Variants in PCDH11X observed in about 807,000 individuals in gnomAD.
PCDH11X encodes protocadherin-11 X-linked.
In PCDH11X, 18 loss-of-function variants were observed where a neutral mutation model predicts 53.3. The observed-to-expected ratio is 0.34, with a 90% confidence interval of 0.23 to 0.50. The LOEUF is 0.50. Ranked by LOEUF, PCDH11X falls within the 20% of genes least tolerant of loss-of-function variation. The pLI is 0.98. For synonymous variants in PCDH11X, 279 were observed against 393.3 expected (o/e 0.71, Z 3.44); for missense variants, 570 against 1,032.4 (o/e 0.55, Z 6.14).
chrX:92,019,461 A>G (rs2147996203), intron 6 of PCDH11X, among the ~76,000 whole-genome samples: 1 of 111,552 alleles, frequency 9.0e-6, no homozygotes, highest in Admixed American at 9.6e-5. Context: ...CCGCATAATC[A>G]GACACACTCT....
intron 10 of PCDH11X, among the ~76,000 whole-genome samples, chrX:92,563,705 T>C (rs1921105273): frequency 1.8e-5 from 2 of 111,875 alleles, no homozygotes; most frequent in Admixed American, 9.5e-5. Context: ...TGCTAAAAGG[T>C]GTTCTTCAGT....
Position 92,622,720 on chromosome X carries a change from C to A in PCDH11X, c.*3780C>A, listed in dbSNP as rs1264054687. 1.8e-5 allele frequency: 2 copies of A among 109,922 alleles called. No individual in the cohort carries two copies. Among genetic ancestry groups the A allele is most frequent in the Non-Finnish European group, 3.8e-5 (2 of 52,488 alleles). The allele number at this position is 109,922 out of a possible 1,213,427, so 9.1% of individuals were successfully genotyped here. The stretch of plus-strand genomic sequence containing the variant: ...TCTATATTATGTGCCAATTACCACA[C>A]CAGATCAATTTTATGCAGAGGCCTT... On this transcript the variant is annotated 3_prime_UTR_variant, in exon 11 of 11. Coordinates refer to ENST00000682573, the MANE Select transcript of PCDH11X (RefSeq NM_032968.5).
At chrX:92,262,649 C>T (rs1224301932) in intron 7 of PCDH11X, among the ~76,000 whole-genome samples, 2 of 111,282 alleles carry the variant, frequency 1.8e-5, no homozygotes, top group African/African-American at 6.5e-5. Context: ...ATAAACATCT[C>T]TTATGTTTAC....
intron 6 of PCDH11X, among the ~76,000 whole-genome samples, chrX:91,885,455 C>T (rs908268969): frequency 2.7e-5 from 3 of 110,060 alleles, no homozygotes; most frequent in Non-Finnish European, 3.8e-5. Flanking sequence ...AATAAAATGA[C>T]GAAGCCCAGA....
Position 92,468,322 on chromosome X carries a change from G to C in PCDH11X, c.3367G>C (p.Ala1123Pro). Residue 1123 changes from alanine (A) to proline (P), a missense_variant and splice_region_variant, in exon 10 of 11, where the codon GCT (alanine) becomes CCT (proline). By Grantham distance (27) the Ala-to-Pro change is conservative. Around this residue, in one of 6 missense-constraint regions of PCDH11X, gnomAD observed 234 missense variants for 296.1 expected, o/e 0.79. Coordinates refer to ENST00000682573, the MANE Select transcript of PCDH11X (RefSeq NM_032968.5). ...AGCTTTCATACCTGGACTAAAGAAAGGTACAGTAGAAATCAACACAAACCA... is the reference window on the plus strand; with the variant it reads ...AGCTTTCATACCTGGACTAAAGAAACGTACAGTAGAAATCAACACAAACCA... ...ESTFIPGLKK[A>P]AEITVQPTVE... 1 of 1,173,293 alleles carries C rather than the reference G, an allele frequency of 8.5e-7. No homozygotes were observed. The highest frequency in any genetic ancestry group is 1.1e-6 in the Non-Finnish European group (1 of 875,130).
intron 9 of PCDH11X, among the ~76,000 whole-genome samples, chrX:92,467,148 A>G (rs1359444793): frequency 1.3e-4 from 15 of 111,222 alleles, no homozygotes; most frequent in Non-Finnish European, 1.9e-5. Context: ...AAAAAATTTT[A>G]TACTTCAGCT....
At chrX:91,819,996 T>A (rs1209894008) in intron 4 of PCDH11X, among the ~76,000 whole-genome samples, 1,104 of 97,668 alleles carry the variant, frequency 0.011, 40 homozygotes, top group Admixed American at 0.1. Context: ...ACAAAGGACA[T>A]GAACTCATCA....
intron 8 of PCDH11X, among the ~76,000 whole-genome samples, chrX:92,320,870 G>A (rs1324263521): frequency 9.1e-6 from 1 of 110,268 alleles, no homozygotes; most frequent in Non-Finnish European, 1.9e-5. Context: ...TACAGGAGGA[G>A]CTATGAATAT....
intron 9 of PCDH11X, among the ~76,000 whole-genome samples, chrX:92,404,611 A>G (rs1404044595): frequency 9.2e-6 from 1 of 108,918 alleles, no homozygotes; most frequent in Non-Finnish European, 1.9e-5. Flanking sequence ...TTTGTTATTT[A>G]TCTTAAAGTT....
chrX:92,460,772 C>T (rs2073022722), intron 9 of PCDH11X: 1 of 1,163,497 alleles, frequency 8.6e-7, no homozygotes, highest in Non-Finnish European at 1.2e-6. Flanking sequence ...ACATCAAGGT[C>T]AAGCTGGAGG....
intron 10 of PCDH11X, among the ~76,000 whole-genome samples, chrX:92,475,099 A>C (rs2073350495): frequency 1.2e-5 from 1 of 85,960 alleles, no homozygotes; most frequent in Non-Finnish European, 2.1e-5. Flanking sequence ...CGGGAGGCGG[A>C]GCTTGCAGTG....
At chrX:91,873,683 C>T (rs1939442132) in intron 5 of PCDH11X, among the ~76,000 whole-genome samples, 1 of 111,391 alleles carries the variant, frequency 9.0e-6, no homozygotes, top group South Asian at 3.7e-4. Flanking sequence ...ACAAGAAATG[C>T]ACAAACATAA....
intron 6 of PCDH11X, among the ~76,000 whole-genome samples, chrX:92,001,706 G>T (rs1300176226): frequency 9.1e-6 from 1 of 110,494 alleles, no homozygotes; most frequent in African/African-American, 3.3e-5. Flanking sequence ...GACCTCAGGT[G>T]ATCTGCCCAC....
At chrX:92,196,753 T>C (rs1423380922) in intron 6 of PCDH11X, among the ~76,000 whole-genome samples, 1 of 111,240 alleles carries the variant, frequency 9.0e-6, no homozygotes, top group African/African-American at 3.3e-5. Context: ...GCATACTCCA[T>C]CCCTGGCAGG....
intron 8 of PCDH11X, among the ~76,000 whole-genome samples, chrX:92,334,987 G>T (rs1603276719): frequency 9.1e-6 from 1 of 109,675 alleles, no homozygotes; most frequent in Non-Finnish European, 1.9e-5. Flanking sequence ...TGTAAGAAGG[G>T]CTGGTTCCCC....
intron 8 of PCDH11X, among the ~76,000 whole-genome samples, chrX:92,380,386 C>T (rs2070849194): frequency 8.9e-6 from 1 of 111,895 alleles, no homozygotes. Context: ...CCTGCCAAGC[C>T]GAGTGGGTGG....
At chrX:92,273,039 G>A (rs934194222) in intron 8 of PCDH11X, among the ~76,000 whole-genome samples, 2 of 111,855 alleles carry the variant, frequency 1.8e-5, no homozygotes, top group African/African-American at 6.5e-5. Flanking sequence ...TCTTGTTTAT[G>A]TTTGTGTTTT....
chrX:92,390,458 T>A (rs2522663), intron 9 of PCDH11X, among the ~76,000 whole-genome samples: 3,616 of 107,815 alleles, frequency 0.034, 188 homozygotes, highest in African/African-American at 0.11. Flanking sequence ...TAGCAAAGTA[T>A]TCTCTTTAGG....
rs772760854 is a variant in PCDH11X, at chrX:92,622,520, AATT to A, written c.*3587_*3589del. 4.3e-3 allele frequency: 472 copies of A among 110,554 alleles called. 4 individuals carry two copies. Among genetic ancestry groups the A allele is most frequent in the African/African-American group, 0.014 (442 of 30,595 alleles). The allele number at this position is 110,554 out of a possible 1,213,427, so 9.1% of individuals were successfully genotyped here. On this transcript the variant is annotated 3_prime_UTR_variant, in exon 11 of 11. Coordinates refer to ENST00000682573, the MANE Select transcript of PCDH11X (RefSeq NM_032968.5). The stretch of plus-strand genomic sequence containing the variant: ...TCTTCTGATTTATATTTTTTATTAT[AATT>A]ATTATTTCTTATCTTTCTTCTTTTA...
Sources: gnomAD v4.1 joint callset for allele counts (sites outside exome capture counted in the v4.1 genomes callset) on GRCh38, gnomAD v4.1.1 for gene constraint, gnomAD v4.1.1 regional missense constraint, MANE v1.5 for transcripts, NCBI Gene and HGNC (gene_info 2026-07-23, HGNC 2026-07-21) for gene names.